Variants in ATP5MG observed in about 807,000 individuals in gnomAD.
ATP5MG encodes the protein ATP synthase F(0) complex subunit g, mitochondrial.
ATP5MG carries 7 observed loss-of-function variants against 12.7 expected under a neutral mutation model. That is an observed-to-expected ratio of 0.55 (90% confidence interval 0.31 to 1.04). The LOEUF (loss-of-function observed/expected upper bound fraction) is 1.04, where lower values mean the gene tolerates loss of function less well. Ranked by LOEUF, ATP5MG falls within the 50% of genes least tolerant of loss-of-function variation. ATP5MG has a pLI of 0.05. For missense variants in ATP5MG, 116 were observed against 126.7 expected (o/e 0.92, Z 0.41); for synonymous variants, 53 against 48.2 (o/e 1.10, Z -0.41).
At chr11:118,408,105 T>C (rs1479982025) in intron 2 of ATP5MG, among the ~76,000 whole-genome samples, 6 of 151,354 alleles carry the variant, frequency 4.0e-5, no homozygotes, top group Non-Finnish European at 8.8e-5. Context: ...GAGCTTGCAG[T>C]GAGCCGAGAT....
At chr11:118,401,989 G>A in intron 1 of ATP5MG, 1 of 438,814 alleles carries the variant, frequency 2.3e-6, no homozygotes, top group Non-Finnish European at 4.1e-6. Context: ...GCCCGGCGTT[G>A]CCCGGCAGCT....
chr11:118,405,064 C>T (rs1383485523), intron 1 of ATP5MG, among the ~76,000 whole-genome samples: 7 of 152,190 alleles, frequency 4.6e-5, no homozygotes, highest in African/African-American at 1.7e-4. Context: ...TTTTCCCTGT[C>T]CCAGCCCTAG....
intron 1 of ATP5MG, among the ~76,000 whole-genome samples, chr11:118,404,979 C>G (rs1187244276): frequency 6.6e-6 from 1 of 152,206 alleles, no homozygotes; most frequent in Admixed American, 6.5e-5. Flanking sequence ...GGAGCTCTTT[C>G]AGGTTAGCAC....
At chr11:118,403,612 A>G (rs1948948291) in intron 1 of ATP5MG, among the ~76,000 whole-genome samples, 1 of 152,080 alleles carries the variant, frequency 6.6e-6, no homozygotes, top group Non-Finnish European at 1.5e-5. Context: ...CCTCACTAAT[A>G]TGGTGAAACC....
At position 118,401,708 on chromosome 11, in the gene ATP5MG, C is replaced by T; in HGVS notation, c.43C>T (p.Leu15=). 6.2e-7 allele frequency: 1 copy of T among 1,613,444 alleles called. No homozygotes were observed. Residue 15 remains leucine, a synonymous_variant, in exon 1 of 3, where the codon CTG becomes TTG. Coordinates refer to ENST00000300688, the MANE Select transcript of ATP5MG (RefSeq NM_006476.5). ...TAACCTTGTGGAGAAGACCCCGGCG[C>T]TGGTGAACGGTGAGCGCGATGTGAG... ...VRNLVEKTPA[L]VNAAVTYSKP... is the part of the protein sequence containing the mutation.
rs1434619874 is a variant in ATP5MG at position 118,409,655 on chromosome 11, T to G, written c.*557T>G. The G allele has an allele frequency of 6.6e-6, 1 of 152,222 alleles. No homozygotes were observed. The highest frequency in any genetic ancestry group is 2.4e-5 in the African/African-American group (1 of 41,462). 9.4% of individuals were successfully genotyped at this position (152,222 alleles called of 1,614,324 possible). The stretch of plus-strand genomic sequence containing the variant: ...GGGTGGTATTCTAAGTATGTTTCTT[T>G]GTAACATCTTTAGCAGTAGGACAGA... On this transcript the variant is annotated 3_prime_UTR_variant, in exon 3 of 3. Transcript: ENST00000300688.
Position 118,403,477 on chromosome 11 carries a change from C to A in ATP5MG, c.52+1760C>A, listed in dbSNP as rs1467581317. Among the ~76,000 whole-genome samples the A allele has an allele frequency of 2.2e-5, 3 of 136,708 alleles. No homozygotes were observed. The East Asian group carries it at 6.7e-4, about 31-fold the overall frequency. 89.7% of individuals were successfully genotyped at this position (136,708 alleles called of 152,430 possible). A position where few individuals can be genotyped will look rare whatever the true frequency, so the allele number is the denominator to read the frequency against. On this transcript the variant is annotated intron_variant, in intron 1 of 2. Transcript: ENST00000300688. Reference sequence around the variant, plus strand: ...CACCACTGCATTCCAGCCTGGGCGACGAAGCGAGGCTAGGTCTCAAAAAAA... The same window carrying A: ...CACCACTGCATTCCAGCCTGGGCGAAGAAGCGAGGCTAGGTCTCAAAAAAA...
chr11:118,407,148 C>G (rs782199810), intron 2 of ATP5MG, 51 bp downstream of exon 2: 21 of 1,606,692 alleles, frequency 1.3e-5, no homozygotes, highest in Non-Finnish European at 1.7e-5. Context: ...AATGTCTTCC[C>G]TTGGGATTTT....
At chr11:118,406,865 CCA>C in intron 1 of ATP5MG, 70 bp from the exon 2 acceptor site, 1 of 1,532,534 alleles carries the variant, frequency 6.5e-7, no homozygotes, top group Non-Finnish European at 8.8e-7. Flanking sequence ...TGTGTCCAGC[CCA>C]CACATCTGCT....
In ATP5MG at chr11:118,401,628, C is replaced by T. The variant is rs1555131039; in HGVS notation, c.-38C>T. On this transcript the variant is annotated 5_prime_UTR_variant, in exon 1 of 3. Transcript: ENST00000300688. ...GGTCCTTCCGGCGGGTGACATTCAG[C>T]CGGCGGTTCGGGGCGACGGACTCTC... 4 of 1,613,550 alleles carry T rather than the reference C, an allele frequency of 2.5e-6. No individual in the cohort carries two copies. The highest frequency in any genetic ancestry group is 4.5e-5 in the East Asian group (2 of 44,864).
chr11:118,401,651 C>T lies in ATP5MG; in HGVS notation c.-15C>T, dbSNP rs1362031846. 4 of 1,614,036 alleles carry T rather than the reference C, an allele frequency of 2.5e-6. No individual in the cohort carries two copies. The highest frequency in any genetic ancestry group is 3.4e-6 in the Non-Finnish European group (4 of 1,180,022). On this transcript the variant is annotated 5_prime_UTR_variant, in exon 1 of 3. Coordinates refer to ENST00000300688, the MANE Select transcript of ATP5MG (RefSeq NM_006476.5). Reference sequence around the variant, plus strand: ...AGCCGGCGGTTCGGGGCGACGGACTCTCCATTCCAGAACCATGGCCCAATT... The same window carrying T: ...AGCCGGCGGTTCGGGGCGACGGACTTTCCATTCCAGAACCATGGCCCAATT...
rs571756379 is a variant in ATP5MG, at chr11:118,406,961, G to T, written c.77G>T (p.Arg26Leu). 4 of 1,611,912 alleles carry T rather than the reference G, an allele frequency of 2.5e-6. No individual in the cohort carries two copies. In the Admixed American group the frequency reaches 5.0e-5, roughly 20 times the overall value. ...GCTGCTGTGACTTACTCGAAGCCTC[G>T]ATTGGCCACATTTTGGTACTACGCC... The part of the protein sequence containing the change: ...VNAAVTYSKP[R>L]LATFWYYAKV... The change falls in exon 2 of 3, where the codon CGA becomes CTA. Residue 26 changes from arginine to leucine, a missense_variant. By Grantham distance (102) the Arg-to-Leu change is moderately radical. Transcript: ENST00000300688.
rs1948976167 is a variant in ATP5MG, at chr11:118,406,862, A to G, written c.53-75A>G. The stretch of plus-strand genomic sequence containing the variant: ...GATGCATGAATAAATATTTGTGTCC[A>G]GCCCACACATCTGCTTCTTTCGGTC... On this transcript the variant is annotated intron_variant, in intron 1 of 2. Transcript: ENST00000300688. 2.6e-6 allele frequency: 4 copies of G among 1,528,696 alleles called. No individual in the cohort carries two copies. In the African/African-American group the frequency reaches 5.5e-5, roughly 21 times the overall value. The allele number at this position is 1,528,696 out of a possible 1,614,324, so 94.7% of individuals were successfully genotyped here.
chr11:118,408,895 C>A, intron 2 of ATP5MG, 105 bp from the exon 3 acceptor site: 1 of 320,462 alleles, frequency 3.1e-6, no homozygotes, highest in Non-Finnish European at 4.9e-6. Flanking sequence ...CTTTTATGTT[C>A]TTTGTCTCCT....
intron 1 of ATP5MG, among the ~76,000 whole-genome samples, chr11:118,402,947 G>A: frequency 6.6e-6 from 1 of 151,952 alleles, no homozygotes; most frequent in Non-Finnish European, 1.5e-5. Context: ...GGATCCTCCC[G>A]CCTCGGTCTC....
intron 1 of ATP5MG, 169 bp from the exon 2 acceptor site, chr11:118,406,768 C>T: frequency 1.0e-6 from 1 of 990,876 alleles, no homozygotes; most frequent in Non-Finnish European, 1.4e-6. Context: ...TTAAAAGCCT[C>T]TTGTTACCAG....
chr11:118,404,881 A>C (rs1223267023), intron 1 of ATP5MG, among the ~76,000 whole-genome samples: 1 of 152,176 alleles, frequency 6.6e-6, no homozygotes, highest in Non-Finnish European at 1.5e-5. Context: ...TTATCCAGTC[A>C]CTTATTGTAT....
rs181098921 is a variant in ATP5MG, at chr11:118,401,962, G to C, written c.52+245G>C. 401 of 481,810 alleles carry C rather than the reference G, an allele frequency of 8.3e-4. 1 individual carries two copies. Among genetic ancestry groups the C allele is most frequent in the African/African-American group, 7.0e-3 (358 of 50,800 alleles). 29.8% of individuals were successfully genotyped at this position (481,810 alleles called of 1,614,324 possible). A position where few individuals can be genotyped will look rare whatever the true frequency, so the allele number is the denominator to read the frequency against. On this transcript the variant is annotated intron_variant, in intron 1 of 2. Transcript: ENST00000300688. ...TGAATTCTAACCACGACTGGGAAGAGAGGTAGTGTGAAGGAAGCCCGGCGT... is the reference window on the plus strand; with the variant it reads ...TGAATTCTAACCACGACTGGGAAGACAGGTAGTGTGAAGGAAGCCCGGCGT...
chr11:118,402,006 A>G (rs1360324959), intron 1 of ATP5MG: 6 of 419,004 alleles, frequency 1.4e-5, no homozygotes, highest in East Asian at 4.1e-5. Flanking sequence ...AGCTGCAACC[A>G]TTACGCCCCC....
Sources: gnomAD v4.1 joint callset for allele counts (sites outside exome capture counted in the v4.1 genomes callset) on GRCh38, gnomAD v4.1.1 for gene constraint, MANE v1.5 for transcripts, NCBI Gene and HGNC (gene_info 2026-07-23, HGNC 2026-07-21) for gene names.